The following FGGY variants were observed in gnomAD, a reference collection of about 807,000 sequenced individuals.
FGGY encodes the protein FGGY carbohydrate kinase domain-containing protein.
In FGGY, 72 loss-of-function variants were observed where a neutral mutation model predicts 71.3. That is an observed-to-expected ratio of 1.01 (90% CI 0.84 to 1.23). The LOEUF is 1.23. Among genes scored for constraint, FGGY ranks in the 50% most tolerant of loss-of-function variants. FGGY has a pLI of 0.00. For synonymous variants in FGGY, 251 were observed against 250.3 expected (o/e 1.00, Z -0.02); for missense variants, 668 against 682.3 (o/e 0.98, Z 0.23).
intron 14 of FGGY, among the ~76,000 whole-genome samples, chr1:59,706,641 G>A (rs937008931): frequency 3.3e-5 from 5 of 152,188 alleles, no homozygotes; most frequent in African/African-American, 1.2e-4. Context: ...AGGTACTCAA[G>A]AGGTGGTAGC....
intron 1 of FGGY, among the ~76,000 whole-genome samples, chr1:59,301,833 C>T (rs2042794237): frequency 6.7e-6 from 1 of 148,210 alleles, no homozygotes; most frequent in Non-Finnish European, 1.5e-5. Flanking sequence ...CCTGCCTCAG[C>T]TTCCCGAGCA....
chr1:59,762,408 C>A, intron 15 of FGGY, 95 bp from the exon 16 acceptor site: 2 of 894,028 alleles, frequency 2.2e-6, no homozygotes, highest in Non-Finnish European at 3.5e-6. Flanking sequence ...TCAGCATCAC[C>A]ACCACACATA....
At chr1:59,440,849 G>A (rs1466252722) in intron 5 of FGGY, among the ~76,000 whole-genome samples, 1 of 151,528 alleles carries the variant, frequency 6.6e-6, no homozygotes, top group Non-Finnish European at 1.5e-5. Context: ...GGTGTTTCAG[G>A]AGTGCGTTAC....
intron 6 of FGGY, among the ~76,000 whole-genome samples, chr1:59,500,721 G>C (rs1372964637): frequency 7.5e-6 from 1 of 133,332 alleles, no homozygotes; most frequent in African/African-American, 2.8e-5. Flanking sequence ...CCATTTCTAA[G>C]ATGAAATGTG....
At chr1:59,689,131 A>G (rs1163895016) in intron 14 of FGGY, among the ~76,000 whole-genome samples, 3 of 152,162 alleles carry the variant, frequency 2.0e-5, no homozygotes, top group Non-Finnish European at 4.4e-5. Context: ...AGAAGTATAT[A>G]TAAAGTGACC....
intron 6 of FGGY, among the ~76,000 whole-genome samples, chr1:59,473,537 AAC>A (rs1474790188): frequency 6.6e-6 from 1 of 152,210 alleles, no homozygotes; most frequent in African/African-American, 2.4e-5. Context: ...AGGCAGAAGA[AAC>A]AGTGCAGGCA....
At chr1:59,523,606 G>A (rs1481696733) in intron 7 of FGGY, among the ~76,000 whole-genome samples, 1 of 152,132 alleles carries the variant, frequency 6.6e-6, no homozygotes, top group Non-Finnish European at 1.5e-5. Context: ...AACTAAGAAG[G>A]AAAATTTCTT....
chr1:59,721,976 G>A (rs1033087195), intron 14 of FGGY, among the ~76,000 whole-genome samples: 2 of 152,174 alleles, frequency 1.3e-5, no homozygotes, highest in African/African-American at 2.4e-5. Context: ...GTTAATTAAA[G>A]CACATATTTT....
In FGGY at chr1:59,460,792, A is replaced by C. The variant is rs543436667; in HGVS notation, c.670+3716A>C. Among the ~76,000 whole-genome samples, 6 of 152,308 alleles carry C rather than the reference A, an allele frequency of 3.9e-5. No individual in the cohort carries two copies. The East Asian group carries it at 7.7e-4, about 20-fold the overall frequency. On this transcript the variant is annotated intron_variant, in intron 6 of 15. Transcript: ENST00000303721. ...GGTAATACCCAGGCAAACTGTCTGG[A>C]GTGGACCTCCAGCAAATTCCACTTT...
At chr1:59,527,784 T>C (rs1292071453) in intron 7 of FGGY, among the ~76,000 whole-genome samples, 2 of 152,158 alleles carry the variant, frequency 1.3e-5, no homozygotes, top group African/African-American at 4.8e-5. Flanking sequence ...CATGAGAAAA[T>C]AGGTTATTTT....
At chr1:59,624,759 A>G in intron 9 of FGGY, among the ~76,000 whole-genome samples, 1 of 152,162 alleles carries the variant, frequency 6.6e-6, no homozygotes, top group Non-Finnish European at 1.5e-5. Context: ...ACGAAACAGT[A>G]TGGGGGAAAC....
intron 5 of FGGY, among the ~76,000 whole-genome samples, chr1:59,450,572 C>T (rs1406161468): frequency 6.6e-6 from 1 of 151,978 alleles, no homozygotes; most frequent in Non-Finnish European, 1.5e-5. Context: ...CCTTTAATTC[C>T]CCAGTAGTAA....
At position 59,517,714 on chromosome 1, in the gene FGGY, C is replaced by T. The variant is rs192248306; in HGVS notation, c.799+5275C>T. Among the ~76,000 whole-genome samples the T allele has an allele frequency of 4.0e-4, 61 of 152,236 alleles. 1 individual carries two copies. In the East Asian group the frequency reaches 9.3e-3, roughly 23 times the overall value. On this transcript the variant is annotated intron_variant, in intron 7 of 15. Transcript: ENST00000303721. ...TCTACTAATTTATAAACTCTTTGGG[C>T]AACCTGTTGTTTCATACTCCCACTG...
At chr1:59,519,553 A>G (rs1402631282) in intron 7 of FGGY, among the ~76,000 whole-genome samples, 1 of 152,204 alleles carries the variant, frequency 6.6e-6, no homozygotes, top group Non-Finnish European at 1.5e-5. Context: ...CTTCCTGGTA[A>G]AGTGGAATTT....
At chr1:59,333,434 T>A (rs2048879256) in intron 2 of FGGY, among the ~76,000 whole-genome samples, 1 of 152,260 alleles carries the variant, frequency 6.6e-6, no homozygotes, top group South Asian at 2.1e-4. Context: ...CTTATTTTGC[T>A]GAATTCTCAT....
chr1:59,711,579 C>T (rs553777652), intron 14 of FGGY, among the ~76,000 whole-genome samples: 18 of 152,274 alleles, frequency 1.2e-4, no homozygotes, highest in African/African-American at 3.9e-4. Context: ...AAGACATACC[C>T]GAGATTGGGC....
intron 3 of FGGY, among the ~76,000 whole-genome samples, chr1:59,341,371 G>C (rs760335156): frequency 4.3e-4 from 66 of 152,092 alleles, no homozygotes; most frequent in Non-Finnish European, 7.6e-4. Flanking sequence ...TAATTATAAG[G>C]ACTATAAATG....
At chr1:59,302,316 A>AT (rs2042881415) in intron 1 of FGGY, among the ~76,000 whole-genome samples, 1 of 151,222 alleles carries the variant, frequency 6.6e-6, no homozygotes, top group Non-Finnish European at 1.5e-5. Flanking sequence ...TTCCATTTTG[A>AT]TTTTTTCTGG....
intron 12 of FGGY, 37 bp from the exon 13 acceptor site, chr1:59,667,246 G>A: frequency 6.2e-7 from 1 of 1,613,078 alleles, no homozygotes; most frequent in East Asian, 2.2e-5. Flanking sequence ...TTACTTTTGT[G>A]ACTATACTGA....
Sources: gnomAD v4.1 joint callset for allele counts (sites outside exome capture counted in the v4.1 genomes callset) on GRCh38, gnomAD v4.1.1 for gene constraint, MANE v1.5 for transcripts, NCBI Gene and HGNC (gene_info 2026-07-23, HGNC 2026-07-21) for gene names.